Variants in NPBWR2 observed in about 807,000 individuals in gnomAD.
The protein encoded by NPBWR2 is neuropeptides B and W receptor 2.
For synonymous variants in NPBWR2, 207 were observed against 223.5 expected (o/e 0.93, Z 0.66); for missense variants, 390 against 458.2 (o/e 0.85, Z 1.36).
chr20:64,106,556 C>T lies in NPBWR2; in HGVS notation c.276G>A (p.Gly92=). 1 of 1,611,912 alleles carries T rather than the reference C, an allele frequency of 6.2e-7. No individual in the cohort carries two copies. The highest frequency in any genetic ancestry group is 1.6e-4 in the Middle Eastern group (1 of 6,062). The change falls in exon 2 of 2, where the codon GGG becomes GGA. Residue 92 remains glycine (G), a synonymous_variant. Transcript: ENST00000684052. This position sits in a 1 kb window ranked among gnomAD's most constrained non-coding sequence, Gnocchi z 9.5. The part of the protein sequence containing the change: ...VFILNLAVAD[G]LFTLVLPVNI... The stretch of plus-strand genomic sequence containing the variant: ...TGACGGGCAGTACCAGCGTGAAGAG[C>T]CCGTCGGCGACGGCCAGGTTCAGGA...
In NPBWR2 at chr20:64,104,487, G is replaced by C. The variant is rs1353505552; in HGVS notation, c.*1343C>G. On this transcript the variant is annotated 3_prime_UTR_variant, in exon 2 of 2. Coordinates refer to ENST00000684052, the MANE Select transcript of NPBWR2 (RefSeq NM_005286.4). ...TGGCGAGGACCGTCGGCCACAGCAGGGGGGTACAGGGGAGCACAGGCCATG... is the reference window on the plus strand; with the variant it reads ...TGGCGAGGACCGTCGGCCACAGCAGCGGGGTACAGGGGAGCACAGGCCATG... Among the ~76,000 whole-genome samples the C allele has an allele frequency of 1.3e-5, 2 of 151,564 alleles. No individual in the cohort carries two copies. The highest frequency in any genetic ancestry group is 2.9e-5 in the Non-Finnish European group (2 of 67,872).
Position 64,105,770 on chromosome 20 carries a change from CGTGATGATGATGGGGG to C in NPBWR2, c.*44_*59del, listed in dbSNP as rs1569285750. The C allele has an allele frequency of 5.4e-6, 6 of 1,108,678 alleles. 1 individual carries two copies. The highest frequency in any genetic ancestry group is 3.1e-5 in the South Asian group (2 of 64,678). The allele number at this position is 1,108,678 out of a possible 1,614,324, so 68.7% of individuals were successfully genotyped here. ...GGGGTGTGGGCATGATGATGATGGG[CGTGATGATGATGGGGG>C]GTGATGATGGGCATGATGATGGGGG... On this transcript the variant is annotated 3_prime_UTR_variant, in exon 2 of 2. Transcript: ENST00000684052.
chr20:64,105,854 GT>G lies in NPBWR2; in HGVS notation c.977del (p.Asn326ThrfsTer233). ...TTCAGCACCGCAATATGCTGCGGAAGTTCTTCCGGAAGTTGTCATCTAGAAA... is the reference window on the plus strand; with the variant it reads ...TTCAGCACCGCAATATGCTGCGGAAGTCTTCCGGAAGTTGTCATCTAGAAA... ...YAFLDDNFRK[N>X]FRSILRC On this transcript the variant is annotated frameshift_variant, in exon 2 of 2. Transcript: ENST00000684052. LOFTEE classifies it low-confidence loss of function (END_TRUNC). 1 of 1,510,286 alleles carries G rather than the reference GT, an allele frequency of 6.6e-7. No individual in the cohort carries two copies. Among genetic ancestry groups the G allele is most frequent in the South Asian group, 1.2e-5 (1 of 84,318 alleles). The allele number at this position is 1,510,286 out of a possible 1,614,324, so 93.6% of individuals were successfully genotyped here.
rs377328048 is a variant in NPBWR2, at chr20:64,105,953, C to A, written c.879G>T (p.Leu293=). 22 of 1,612,700 alleles carry A rather than the reference C, an allele frequency of 1.4e-5. No individual in the cohort carries two copies. Among genetic ancestry groups the A allele is most frequent in the Non-Finnish European group, 1.5e-5 (18 of 1,179,868 alleles). Residue 293 remains leucine (L), a synonymous_variant, in exon 2 of 2, where the codon CTG becomes CTT. Transcript: ENST00000684052. ...TGATGACGTAGGACATACTGATGACCAGTGGGGTCTGGGGCAGGTCCGTGG... is the reference window on the plus strand; with the variant it reads ...TGATGACGTAGGACATACTGATGACAAGTGGGGTCTGGGGCAGGTCCGTGG... ...ALTTDLPQTP[L]VISMSYVITS... is the part of the protein sequence containing the mutation.
rs1247475677 is a variant in NPBWR2, at chr20:64,105,754, G to C, written c.*76C>G. 5 of 1,073,412 alleles carry C rather than the reference G, an allele frequency of 4.7e-6. No individual in the cohort carries two copies. The highest frequency in any genetic ancestry group is 5.1e-6 in the Non-Finnish European group (4 of 781,334). 66.5% of individuals were successfully genotyped at this position (1,073,412 alleles called of 1,614,324 possible). A position where few individuals can be genotyped will look rare whatever the true frequency, so the allele number is the denominator to read the frequency against. Reference sequence around the variant, plus strand: ...GGGGGTGGGCCTGATGGGGGTGTGGGCATGATGATGATGGGCGTGATGATG... The same window carrying C: ...GGGGGTGGGCCTGATGGGGGTGTGGCCATGATGATGATGGGCGTGATGATG... On this transcript the variant is annotated 3_prime_UTR_variant, in exon 2 of 2. Coordinates refer to ENST00000684052, the MANE Select transcript of NPBWR2 (RefSeq NM_005286.4).
chr20:64,106,847 T>TGAC lies in NPBWR2; in HGVS notation c.-19_-17dup. On this transcript the variant is annotated 5_prime_UTR_variant, in exon 2 of 2. Coordinates refer to ENST00000684052, the MANE Select transcript of NPBWR2 (RefSeq NM_005286.4). The surrounding 1 kb of genome is among the most constrained non-coding windows in gnomAD (Gnocchi z 9.5). The stretch of plus-strand genomic sequence containing the variant: ...CGGCCTGCATTGTAGCTGGGACCGT[T>TGAC]GACGATTTGCGCCCTGGGCAGGTGG... 6.3e-7 allele frequency: 1 copy of TGAC among 1,599,956 alleles called. No individual in the cohort carries two copies. The highest frequency in any genetic ancestry group is 8.5e-7 in the Non-Finnish European group (1 of 1,170,454).
At position 64,107,105 on chromosome 20, in the gene NPBWR2, T is replaced by G; in HGVS notation, c.-91-183A>C. On this transcript the variant is annotated intron_variant, in intron 1 of 1. Transcript: ENST00000684052. The surrounding 1 kb of genome is among the most constrained non-coding windows in gnomAD (Gnocchi z 6.3). Reference sequence around the variant, plus strand: ...TCCTGGTGAGACTTCAGCAGATCAGTTCCCTCCTCCCGCAGAGAGCAGCTG... The same window carrying G: ...TCCTGGTGAGACTTCAGCAGATCAGGTCCCTCCTCCCGCAGAGAGCAGCTG... The G allele has an allele frequency of 9.0e-6, 5 of 558,316 alleles. No homozygotes were observed. The highest frequency in any genetic ancestry group is 9.9e-6 in the Non-Finnish European group (3 of 304,052). 34.6% of individuals were successfully genotyped at this position (558,316 alleles called of 1,614,324 possible).
chr20:64,105,833 G>A lies in NPBWR2; in HGVS notation c.999C>T (p.Cys333=), dbSNP rs911946515. 5.0e-6 allele frequency: 8 copies of A among 1,596,024 alleles called. No homozygotes were observed. Among genetic ancestry groups the A allele is most frequent in the African/African-American group, 4.0e-5 (3 of 74,544 alleles). The change falls in exon 2 of 2, where the codon TGC becomes TGT. Residue 333 remains cysteine, a synonymous_variant. Coordinates refer to ENST00000684052, the MANE Select transcript of NPBWR2 (RefSeq NM_005286.4). ...FRKNFRSILR[C] ...GGGGTGATGGTGCCCAGGCCCTTCA[G>A]CACCGCAATATGCTGCGGAAGTTCT...
Position 64,105,714 on chromosome 20 carries a change from G to GGCATGATGA in NPBWR2, c.*115_*116insTCATCATGC. 9.1e-6 allele frequency: 2 copies of GGCATGATGA among 220,252 alleles called. No individual in the cohort carries two copies. The highest frequency in any genetic ancestry group is 1.3e-4 in the African/African-American group (1 of 7,644). The allele number at this position is 220,252 out of a possible 1,614,324, so 13.6% of individuals were successfully genotyped here. ...GGTGGTGGGGGTGATGGTGGGGGTG[G>GGCATGATGA]TGGTGGGGGTGGGGGGGGGTGGGCC... is the stretch of plus-strand genomic sequence containing the variant. On this transcript the variant is annotated 3_prime_UTR_variant, in exon 2 of 2. Coordinates refer to ENST00000684052, the MANE Select transcript of NPBWR2 (RefSeq NM_005286.4).
rs367641169 is a variant in NPBWR2, at chr20:64,104,805, T to C, written c.*1025A>G. Among the ~76,000 whole-genome samples, 39 of 65,452 alleles carry C rather than the reference T, an allele frequency of 6.0e-4. No homozygotes were observed. Among genetic ancestry groups the C allele is most frequent in the Admixed American group, 9.2e-4 (5 of 5,420 alleles). 42.9% of individuals were successfully genotyped at this position (65,452 alleles called of 152,430 possible). Reference sequence around the variant, plus strand: ...GGGGAGCACAGGCCATGGTGAGGACTGTCGGCCACAGCAGGGGGGTACAGG... The same window carrying C: ...GGGGAGCACAGGCCATGGTGAGGACCGTCGGCCACAGCAGGGGGGTACAGG... On this transcript the variant is annotated 3_prime_UTR_variant, in exon 2 of 2. Transcript: ENST00000684052.
Position 64,105,797 on chromosome 20 carries a change from GCATGAT to G in NPBWR2, c.*27_*32del, listed in dbSNP as rs1980001200. ...TGATGATGATGGGGGGTGATGATGG[GCATGAT>G]GATGGGGGTGATGGTGCCCAGGCCC... On this transcript the variant is annotated 3_prime_UTR_variant, in exon 2 of 2. Transcript: ENST00000684052. 8.9e-7 allele frequency: 1 copy of G among 1,122,472 alleles called. No individual in the cohort carries two copies. The highest frequency in any genetic ancestry group is 1.5e-5 in the African/African-American group (1 of 67,148). The allele number at this position is 1,122,472 out of a possible 1,614,324, so 69.5% of individuals were successfully genotyped here.
chr20:64,107,068 C>T lies in NPBWR2; in HGVS notation c.-91-146G>A. Reference sequence around the variant, plus strand: ...AGCCTGGTGGGGTGTGTGGGGGCCTCCTCCCGCCTCTTCCTGGTGAGACTT... The same window carrying T: ...AGCCTGGTGGGGTGTGTGGGGGCCTTCTCCCGCCTCTTCCTGGTGAGACTT... On this transcript the variant is annotated intron_variant, in intron 1 of 1. Transcript: ENST00000684052. The surrounding 1 kb of genome is among the most constrained non-coding windows in gnomAD (Gnocchi z 6.3). 1 of 606,538 alleles carries T rather than the reference C, an allele frequency of 1.6e-6. No homozygotes were observed. Among genetic ancestry groups the T allele is most frequent in the Middle Eastern group, 4.5e-4 (1 of 2,226 alleles). 37.6% of individuals were successfully genotyped at this position (606,538 alleles called of 1,614,324 possible).
At position 64,104,707 on chromosome 20, in the gene NPBWR2, C is replaced by G. The variant is rs1365076964; in HGVS notation, c.*1123G>C. Among the ~76,000 whole-genome samples, 1 of 123,242 alleles carries G rather than the reference C, an allele frequency of 8.1e-6. No individual in the cohort carries two copies. Among genetic ancestry groups the G allele is most frequent in the African/African-American group, 3.0e-5 (1 of 33,310 alleles). 80.9% of individuals were successfully genotyped at this position (123,242 alleles called of 152,430 possible). ...GGGGAGCACAGGCCATGGAGAGGAC[C>G]GTCGGCCACAGCAGGGGAGTATAGG... On this transcript the variant is annotated 3_prime_UTR_variant, in exon 2 of 2. Coordinates refer to ENST00000684052, the MANE Select transcript of NPBWR2 (RefSeq NM_005286.4).
rs557268538 is a variant in NPBWR2, at chr20:64,106,672, C to T, written c.160G>A (p.Gly54Arg). The T allele has an allele frequency of 1.1e-4, 176 of 1,612,814 alleles. No individual in the cohort carries two copies. The South Asian group carries it at 1.2e-3, about 11-fold the overall frequency. Reference sequence around the variant, plus strand: ...CCAGTCAGCCCCACAGCACAGATCCCGGAGTACACGGCGGGCAGGAGCACA... The same window carrying T: ...CCAGTCAGCCCCACAGCACAGATCCTGGAGTACACGGCGGGCAGGAGCACA... ...LYVLLPAVYSGICAVGLTGNT... is the reference protein window; with the variant it reads ...LYVLLPAVYSRICAVGLTGNT... Residue 54 changes from glycine (G) to arginine (R), a missense_variant, in exon 2 of 2, where the codon GGG (glycine) becomes AGG (arginine). Physicochemically the swap from Gly to Arg is moderately radical, Grantham distance 125 (BLOSUM62 -2). Coordinates refer to ENST00000684052, the MANE Select transcript of NPBWR2 (RefSeq NM_005286.4). This position sits in a 1 kb window ranked among gnomAD's most constrained non-coding sequence, Gnocchi z 9.5.
At position 64,105,687 on chromosome 20, in the gene NPBWR2, G is replaced by GTGATGA; in HGVS notation, c.*142_*143insTCATCA. 2.7e-6 allele frequency: 1 copy of GTGATGA among 364,100 alleles called. No homozygotes were observed. The highest frequency in any genetic ancestry group is 3.9e-5 in the East Asian group (1 of 25,536). 22.6% of individuals were successfully genotyped at this position (364,100 alleles called of 1,614,324 possible). A position where few individuals can be genotyped will look rare whatever the true frequency, so the allele number is the denominator to read the frequency against. On this transcript the variant is annotated 3_prime_UTR_variant, in exon 2 of 2. Coordinates refer to ENST00000684052, the MANE Select transcript of NPBWR2 (RefSeq NM_005286.4). Reference sequence around the variant, plus strand: ...CATGATGATGGGCGTGATGATGGGGGTGGTGGTGGGGGTGATGGTGGGGGT... The same window carrying GTGATGA: ...CATGATGATGGGCGTGATGATGGGGGTGATGATGGTGGTGGGGGTGATGGTGGGGGT...
chr20:64,105,712 T>TGATGGG lies in NPBWR2; in HGVS notation c.*117_*118insCCCATC. ...GTGGTGGTGGGGGTGATGGTGGGGGTGGTGGTGGGGGTGGGGGGGGGTGGG... is the reference window on the plus strand; with the variant it reads ...GTGGTGGTGGGGGTGATGGTGGGGGTGATGGGGGTGGTGGGGGTGGGGGGGGGTGGG... On this transcript the variant is annotated 3_prime_UTR_variant, in exon 2 of 2. Transcript: ENST00000684052. The TGATGGG allele has an allele frequency of 8.5e-6, 3 of 353,448 alleles. No homozygotes were observed. Among genetic ancestry groups the TGATGGG allele is most frequent in the South Asian group, 3.2e-5 (1 of 31,500 alleles). The allele number at this position is 353,448 out of a possible 1,614,324, so 21.9% of individuals were successfully genotyped here.
rs1979930119 is a variant in NPBWR2, at chr20:64,105,399, T to C, written c.*431A>G. Among the ~76,000 whole-genome samples, 1 of 146,162 alleles carries C rather than the reference T, an allele frequency of 6.8e-6. No homozygotes were observed. Among genetic ancestry groups the C allele is most frequent in the Admixed American group, 6.8e-5 (1 of 14,608 alleles). ...TGGGAGGTATATGCCCACGGCTGTCTGTAGGTCTGGTGGCCAGCGTGTGAG... is the reference window on the plus strand; with the variant it reads ...TGGGAGGTATATGCCCACGGCTGTCCGTAGGTCTGGTGGCCAGCGTGTGAG... On this transcript the variant is annotated 3_prime_UTR_variant, in exon 2 of 2. Coordinates refer to ENST00000684052, the MANE Select transcript of NPBWR2 (RefSeq NM_005286.4).
At position 64,104,995 on chromosome 20, in the gene NPBWR2, G is replaced by A. The variant is rs1354994415; in HGVS notation, c.*835C>T. Among the ~76,000 whole-genome samples the A allele has an allele frequency of 6.6e-6, 1 of 152,170 alleles. No individual in the cohort carries two copies. The highest frequency in any genetic ancestry group is 1.5e-5 in the Non-Finnish European group (1 of 68,022). On this transcript the variant is annotated 3_prime_UTR_variant, in exon 2 of 2. Transcript: ENST00000684052. Reference sequence around the variant, plus strand: ...AGCACAGGCCATGGCACATGGGCACGGCGGGGCTGGGCCTCCTGCTGGAAC... The same window carrying A: ...AGCACAGGCCATGGCACATGGGCACAGCGGGGCTGGGCCTCCTGCTGGAAC...
Position 64,106,216 on chromosome 20 carries a change from G to A in NPBWR2, c.616C>T (p.Gln206Ter), listed in dbSNP as rs559412417. 8.7e-6 allele frequency: 14 copies of A among 1,612,658 alleles called. No individual in the cohort carries two copies. The South Asian group carries it at 1.2e-4, about 14-fold the overall frequency. Residue 206 changes from glutamine (Q) to a stop codon, truncating the protein, a stop_gained, in exon 2 of 2, where the codon CAG becomes TAG. Coordinates refer to ENST00000684052, the MANE Select transcript of NPBWR2 (RefSeq NM_005286.4). LOFTEE classifies it low-confidence loss of function (END_TRUNC). This position sits in a 1 kb window ranked among gnomAD's most constrained non-coding sequence, Gnocchi z 9.5. ...ACACGGCTGGCCTTGAACCAGACCT[G>A]CTCGGGCCACGGGAAGCTCAGCCCA... ...SCGLSFPWPEQVWFKASRVYT... is the reference protein window; with the variant it reads ...SCGLSFPWPE
Sources: gnomAD v4.1 joint callset for allele counts (sites outside exome capture counted in the v4.1 genomes callset) on GRCh38, gnomAD v4.1.1 for gene constraint, Gnocchi (gnomAD v3.1) non-coding constraint, MANE v1.5 for transcripts, NCBI Gene and HGNC (gene_info 2026-07-23, HGNC 2026-07-21) for gene names.